The following VPS33A variants were observed in gnomAD, a reference collection of about 807,000 sequenced individuals.
The protein encoded by VPS33A is vacuolar protein sorting-associated protein 33A.
In VPS33A, 32 loss-of-function variants were observed where a neutral mutation model predicts 71.8. The ratio of observed to expected loss-of-function variants is 0.45; its 90% CI spans 0.34 to 0.60. VPS33A has a LOEUF of 0.60. Ranked by LOEUF, VPS33A falls within the 20% of genes least tolerant of loss-of-function variation. VPS33A has a pLI of 0.02. For synonymous variants in VPS33A, 311 were observed against 292.7 expected, an observed-to-expected ratio of 1.06 and a Z score of -0.64; for missense variants, 625 against 748.5, an observed-to-expected ratio of 0.84 and a Z score of 1.92.
chr12:122,251,901 T>A (rs1207314256), intron 4 of VPS33A, among the ~76,000 whole-genome samples: 1 of 149,632 alleles, frequency 6.7e-6, no homozygotes, highest in Non-Finnish European at 1.5e-5. Context: ...TGTGCACATG[T>A]ACCCTAGAAC....
At chr12:122,260,874 C>A (rs1015520213) in intron 4 of VPS33A, among the ~76,000 whole-genome samples, 2 of 152,194 alleles carry the variant, frequency 1.3e-5, no homozygotes, top group Non-Finnish European at 2.9e-5. Context: ...ACTCAGGAGG[C>A]TGAGGCAGAA....
rs1593189482 is a variant in VPS33A, at chr12:122,230,270, T to C, written c.*1976A>G. On this transcript the variant is annotated 3_prime_UTR_variant, in exon 13 of 13. Coordinates refer to ENST00000267199, the MANE Select transcript of VPS33A (RefSeq NM_022916.6). ...AGAATTTCTCTTTCATTAATAATATTTACCGTGCCCATCAGAACTCCACTA... is the reference window on the plus strand; with the variant it reads ...AGAATTTCTCTTTCATTAATAATATCTACCGTGCCCATCAGAACTCCACTA... 1 of 152,184 alleles carries C rather than the reference T, an allele frequency of 6.6e-6. No homozygotes were observed. Among genetic ancestry groups the C allele is most frequent in the Admixed American group, 6.5e-5 (1 of 15,274 alleles). The allele number at this position is 152,184 out of a possible 1,614,324, so 9.4% of individuals were successfully genotyped here. A position where few individuals can be genotyped will look rare whatever the true frequency, so the allele number is the denominator to read the frequency against.
intron 4 of VPS33A, among the ~76,000 whole-genome samples, chr12:122,251,554 C>A (rs559339895): frequency 6.6e-6 from 1 of 152,094 alleles, no homozygotes; most frequent in African/African-American, 2.4e-5. Flanking sequence ...AAGGATGAGG[C>A]AGATTTTCAT....
At chr12:122,244,175 G>A (rs1031178934) in intron 7 of VPS33A, among the ~76,000 whole-genome samples, 4 of 152,114 alleles carry the variant, frequency 2.6e-5, no homozygotes, top group African/African-American at 4.8e-5. Context: ...TTCCCCTGCC[G>A]CAGTCACACT....
chr12:122,234,025 A>C (rs1273202882), intron 11 of VPS33A, among the ~76,000 whole-genome samples: 1 of 152,212 alleles, frequency 6.6e-6, no homozygotes. Flanking sequence ...GGCCTAATAA[A>C]GTTCCTTATG....
intron 3 of VPS33A, 45 bp downstream of exon 3, chr12:122,263,527 T>C: frequency 6.5e-7 from 1 of 1,548,416 alleles, no homozygotes. Flanking sequence ...TTAAAAGCAT[T>C]ATAAGAACCA....
chr12:122,244,715 C>T lies in VPS33A; in HGVS notation c.823G>A (p.Asp275Asn), dbSNP rs1299150247. 3 of 1,613,990 alleles carry T rather than the reference C, an allele frequency of 1.9e-6. No homozygotes were observed. Among genetic ancestry groups the T allele is most frequent in the South Asian group, 1.1e-5 (1 of 91,074 alleles). ...PEKFAPKKQG[D>N]GGKDLPTEAK... ...TCCGTGGGGAGGTCCTTACCACCAT[C>T]GCCCTGTTTCTTAGGTGCAAATTTC... is the stretch of plus-strand genomic sequence containing the variant. Residue 275 changes from aspartate to asparagine, a missense_variant, in exon 7 of 13, where the codon GAT becomes AAT. By Grantham distance (23) the Asp-to-Asn change is conservative. Transcript: ENST00000267199.
At chr12:122,243,805 C>T (rs766506316) in intron 7 of VPS33A, among the ~76,000 whole-genome samples, 4 of 152,052 alleles carry the variant, frequency 2.6e-5, no homozygotes, top group Non-Finnish European at 5.9e-5. Flanking sequence ...CCTGTGGTCC[C>T]AGCTACTCGG....
chr12:122,232,264 C>T lies in VPS33A; in HGVS notation c.1773G>A (p.Leu591=), dbSNP rs1488300831. The change falls in exon 13 of 13, where the codon CTG becomes CTA. Residue 591 remains leucine, a synonymous_variant. Coordinates refer to ENST00000267199, the MANE Select transcript of VPS33A (RefSeq NM_022916.6). The part of the protein sequence containing the change: ...LMNGTSWIEA[L]MEKPF ...GAACATCCTAGAAAGGTTTTTCCAT[C>T]AGAGCCTCTATCCAACTGGTTCCAT... 2 of 1,611,634 alleles carry T rather than the reference C, an allele frequency of 1.2e-6. No individual in the cohort carries two copies. The highest frequency in any genetic ancestry group is 1.7e-6 in the Non-Finnish European group (2 of 1,179,120).
At chr12:122,238,777 AC>A in intron 9 of VPS33A, 53 bp from the exon 10 acceptor site, 1 of 770,298 alleles carries the variant, frequency 1.3e-6, no homozygotes, top group Non-Finnish European at 1.9e-6. Flanking sequence ...ACATACACAC[AC>A]ACACACACAC....
chr12:122,247,761 C>A (rs1954794203), intron 6 of VPS33A, among the ~76,000 whole-genome samples: 1 of 152,162 alleles, frequency 6.6e-6, no homozygotes, highest in South Asian at 2.1e-4. Context: ...CAAAGGGAAA[C>A]CCTGTAGCCA....
intron 7 of VPS33A, among the ~76,000 whole-genome samples, chr12:122,243,384 G>A (rs545940905): frequency 2.0e-5 from 3 of 150,970 alleles, no homozygotes; most frequent in Non-Finnish European, 2.9e-5. Context: ...ACAGGCACAC[G>A]CCACTGCCCA....
At chr12:122,245,536 T>G (rs1954766283) in intron 6 of VPS33A, among the ~76,000 whole-genome samples, 1 of 151,008 alleles carries the variant, frequency 6.6e-6, no homozygotes, top group African/African-American at 2.4e-5. Flanking sequence ...CTCCACCTCC[T>G]GGGTTCAAAT....
intron 3 of VPS33A, among the ~76,000 whole-genome samples, chr12:122,262,543 T>A (rs915896805): frequency 2.6e-5 from 4 of 151,670 alleles, no homozygotes; most frequent in East Asian, 1.9e-4. Context: ...TACCACAGAG[T>A]GCAGACTCGG....
chr12:122,251,159 G>T, intron 4 of VPS33A, 60 bp from the exon 5 acceptor site: 2 of 1,166,996 alleles, frequency 1.7e-6, no homozygotes, highest in Non-Finnish European at 2.5e-6. Flanking sequence ...GCCCATCTCT[G>T]TTCCTGGGGC....
At chr12:122,238,518 G>A (rs1016860205) in intron 10 of VPS33A, 69 bp downstream of exon 10, 16 of 1,536,428 alleles carry the variant, frequency 1.0e-5, no homozygotes, top group African/African-American at 6.9e-5. Flanking sequence ...CACTGTGCCC[G>A]GCCCATGAAG....
At chr12:122,241,043 A>C (rs2136128913) in intron 8 of VPS33A, 2 of 151,464 alleles carry the variant, frequency 1.3e-5, no homozygotes, top group South Asian at 2.1e-4. Flanking sequence ...CTGAGGCAGG[A>C]GAATCACTTG....
intron 10 of VPS33A, among the ~76,000 whole-genome samples, chr12:122,236,756 G>A (rs574091930): frequency 6.2e-4 from 95 of 152,326 alleles, no homozygotes; most frequent in Admixed American, 2.6e-4. Flanking sequence ...ACCCCATGAC[G>A]TAGGTATCAT....
chr12:122,239,453 T>A (rs1304794945), intron 9 of VPS33A, among the ~76,000 whole-genome samples: 1 of 151,952 alleles, frequency 6.6e-6, no homozygotes, highest in South Asian at 2.1e-4. Flanking sequence ...AATATTTAAG[T>A]GGCCGGGCGC....
Sources: allele counts gnomAD v4.1 joint callset (sites outside exome capture counted in the v4.1 genomes callset), GRCh38; gene constraint gnomAD v4.1.1; transcripts MANE v1.5; gene names NCBI Gene and HGNC (gene_info 2026-07-23, HGNC 2026-07-21).